Variants in TIAM2 observed in about 807,000 individuals in gnomAD.
The protein encoded by TIAM2 is TIAM Rac1 associated GEF 2.
TIAM2 carries 80 observed loss-of-function variants against 152.9 expected under a neutral mutation model. That is an observed-to-expected ratio of 0.52 (90% CI 0.44 to 0.63). TIAM2 has a LOEUF of 0.63. Among genes scored for constraint, TIAM2 ranks in the 30% least tolerant of loss-of-function variants. The probability of loss-of-function intolerance (pLI) is 0.00; values close to 1 mark genes in which losing one functional copy is unlikely to be tolerated. For synonymous variants in TIAM2, 804 were observed against 838.0 expected (o/e 0.96, Z 0.70); for missense variants, 1,965 against 2,120.1 (o/e 0.93, Z 1.44).
chr6:155,169,196 C>T (rs1366058182), intron 9 of TIAM2, among the ~76,000 whole-genome samples: 2 of 152,042 alleles, frequency 1.3e-5, no homozygotes, highest in African/African-American at 2.4e-5. Flanking sequence ...GGGGTTTCAC[C>T]GTGTTAGCCA....
chr6:155,255,912 A>AGAT (rs1216186550), intron 26 of TIAM2: 1 of 161,550 alleles, frequency 6.2e-6, no homozygotes, highest in East Asian at 1.9e-4. Context: ...CAGGAGGCTG[A>AGAT]GATGGGAGGA....
intron 15 of TIAM2, 115 bp from the exon 16 acceptor site, chr6:155,240,415 A>G (rs1782970772): frequency 8.9e-7 from 1 of 1,123,222 alleles, no homozygotes; most frequent in East Asian, 2.5e-5. Context: ...CCCTACACAG[A>G]GGCCCCTCTG....
At chr6:155,044,317 T>C (rs1304933816) in intron 1 of TIAM2, among the ~76,000 whole-genome samples, 1 of 152,172 alleles carries the variant, frequency 6.6e-6, no homozygotes, top group Non-Finnish European at 1.5e-5. Flanking sequence ...GCAGCTATCT[T>C]TGATTTCTAG....
chr6:155,211,322 C>T lies in TIAM2; in HGVS notation c.3168+15C>T, dbSNP rs768271778. The T allele has an allele frequency of 6.2e-7, 1 of 1,608,306 alleles. No individual in the cohort carries two copies. The highest frequency in any genetic ancestry group is 8.5e-7 in the Non-Finnish European group (1 of 1,175,488). On this transcript the variant is annotated intron_variant, in intron 15 of 26. Transcript: ENST00000682666. ...AGACATTCAGGGTAAGATACTGGCC[C>T]AAATCGCAAACCAAGAACCAGGCAG...
At chr6:155,175,247 G>A (rs1295126899) in intron 9 of TIAM2, among the ~76,000 whole-genome samples, 1 of 152,144 alleles carries the variant, frequency 6.6e-6, no homozygotes, top group East Asian at 1.9e-4. Context: ...TCAAAATTGA[G>A]CACCATGTTT....
chr6:155,118,639 T>G (rs994100024), intron 2 of TIAM2, among the ~76,000 whole-genome samples: 1 of 152,000 alleles, frequency 6.6e-6, no homozygotes, highest in Non-Finnish European at 1.5e-5. Flanking sequence ...TTCACCGTGT[T>G]GGCCAGGCTG....
At chr6:155,193,197 G>A (rs1236474660) in intron 14 of TIAM2, among the ~76,000 whole-genome samples, 1 of 152,086 alleles carries the variant, frequency 6.6e-6, no homozygotes, top group Non-Finnish European at 1.5e-5. Context: ...TTGAGGCCAG[G>A]AGATTGAGAC....
At chr6:155,184,171 T>G (rs1256628437) in intron 14 of TIAM2, among the ~76,000 whole-genome samples, 1 of 152,064 alleles carries the variant, frequency 6.6e-6, no homozygotes, top group East Asian at 1.9e-4. Context: ...GCATTTTTAG[T>G]AGAGGTGGGG....
Position 155,098,718 on chromosome 6 carries a change from C to T in TIAM2, c.-118+8339C>T, listed in dbSNP as rs138536595. On this transcript the variant is annotated intron_variant, in intron 2 of 26. Transcript: ENST00000682666. ...CGCCTAATTGCCCTGGCCAGGATTT[C>T]CAGTACTATGTTGAATAAAAGTGGT... is the stretch of plus-strand genomic sequence containing the variant. Among the ~76,000 whole-genome samples the T allele has an allele frequency of 9.5e-4, 145 of 152,216 alleles. 1 individual carries two copies. The highest frequency in any genetic ancestry group is 3.4e-3 in the African/African-American group (141 of 41,540).
chr6:155,134,896 G>A lies in TIAM2; in HGVS notation c.1195-2281G>A, dbSNP rs1779524470. On this transcript the variant is annotated intron_variant, in intron 4 of 26. Transcript: ENST00000682666. Reference sequence around the variant, plus strand: ...AATTTTTCGTATTTTTTGTAGAGACGGGGTTTCACCGTGTTAGCCAGGATG... The same window carrying A: ...AATTTTTCGTATTTTTTGTAGAGACAGGGTTTCACCGTGTTAGCCAGGATG... 3.3e-5 allele frequency among the ~76,000 whole-genome samples: 5 copies of A among 151,940 alleles called. No homozygotes were observed. The South Asian group carries it at 1.0e-3, about 32-fold the overall frequency.
In TIAM2 at chr6:155,257,325, G is replaced by A. The variant is rs1420001753; in HGVS notation, c.*204G>A. 5.0e-6 allele frequency: 3 copies of A among 595,284 alleles called. No individual in the cohort carries two copies. Among genetic ancestry groups the A allele is most frequent in the Non-Finnish European group, 8.6e-6 (3 of 349,944 alleles). The allele number at this position is 595,284 out of a possible 1,614,324, so 36.9% of individuals were successfully genotyped here. ...ACCTAGATGAAACTGGTCAGAATCTGTAAATTACTTAGTTTATATCCACTT... is the reference window on the plus strand; with the variant it reads ...ACCTAGATGAAACTGGTCAGAATCTATAAATTACTTAGTTTATATCCACTT... On this transcript the variant is annotated 3_prime_UTR_variant, in exon 27 of 27. Coordinates refer to ENST00000682666, the MANE Select transcript of TIAM2 (RefSeq NM_012454.4).
At chr6:155,085,485 G>A (rs1583182163) in intron 1 of TIAM2, among the ~76,000 whole-genome samples, 1 of 151,866 alleles carries the variant, frequency 6.6e-6, no homozygotes, top group South Asian at 2.1e-4. Flanking sequence ...TAAACTCTGG[G>A]CACTCTGAAC....
chr6:155,135,881 C>G (rs1001545674), intron 4 of TIAM2, among the ~76,000 whole-genome samples: 1 of 151,870 alleles, frequency 6.6e-6, no homozygotes, highest in African/African-American at 2.4e-5. Flanking sequence ...AAGTAATTCT[C>G]TAAGTAAGAA....
At position 155,049,661 on chromosome 6, in the gene TIAM2, A is replaced by C. The variant is rs1418527248; in HGVS notation, c.-208-40628A>C. Among the ~76,000 whole-genome samples the C allele has an allele frequency of 2.6e-5, 4 of 152,308 alleles. No individual in the cohort carries two copies. In the East Asian group the frequency reaches 7.7e-4, roughly 29 times the overall value. Reference sequence around the variant, plus strand: ...GTTTCATAATTGTTAAAATGGTTCTAATTTGAAATAATAGCAGTCCTTAAT... The same window carrying C: ...GTTTCATAATTGTTAAAATGGTTCTCATTTGAAATAATAGCAGTCCTTAAT... On this transcript the variant is annotated intron_variant, in intron 1 of 26. Transcript: ENST00000682666.
In TIAM2 at chr6:155,257,019, C is replaced by T. The variant is rs145411858; in HGVS notation, c.5004C>T (p.Ile1668=). ...ACAGTCAGTCTGAAAATGCCACCATCGACCTAAATTCTGTTCTAGAGCGAG... is the reference window on the plus strand; with the variant it reads ...ACAGTCAGTCTGAAAATGCCACCATTGACCTAAATTCTGTTCTAGAGCGAG... ...SLDSQSENAT[I]DLNSVLEREF... is the part of the protein sequence containing the mutation. Residue 1668 remains isoleucine (I), a synonymous_variant, in exon 27 of 27, where the codon ATC becomes ATT. Transcript: ENST00000682666. 5.0e-6 allele frequency: 8 copies of T among 1,614,032 alleles called. No individual in the cohort carries two copies. The highest frequency in any genetic ancestry group is 2.7e-5 in the African/African-American group (2 of 74,914).
At chr6:155,033,652 T>G (rs1192886721) in intron 1 of TIAM2, among the ~76,000 whole-genome samples, 1 of 152,092 alleles carries the variant, frequency 6.6e-6, no homozygotes, top group Non-Finnish European at 1.5e-5. Flanking sequence ...CCTGCCTGTT[T>G]CCTAGAAGTA....
intron 23 of TIAM2, among the ~76,000 whole-genome samples, 156 bp downstream of exon 23, chr6:155,252,159 G>A (rs1255140931): frequency 6.6e-6 from 1 of 152,136 alleles, no homozygotes. Flanking sequence ...GAGCGTTTCT[G>A]AGTCTCCCCA....
chr6:155,205,027 T>C (rs1165300478), intron 14 of TIAM2, among the ~76,000 whole-genome samples: 8 of 152,092 alleles, frequency 5.3e-5, no homozygotes, highest in African/African-American at 1.7e-4. Context: ...CTTTTTATCA[T>C]AGCATTAATA....
At chr6:155,231,001 T>A (rs901404170) in intron 15 of TIAM2, among the ~76,000 whole-genome samples, 1 of 28,954 alleles carries the variant, frequency 3.5e-5, no homozygotes, top group Admixed American at 2.1e-4. Context: ...CCTGGCTAAT[T>A]TTTTTTTTTT....
Sources: allele counts gnomAD v4.1 joint callset (sites outside exome capture counted in the v4.1 genomes callset), GRCh38; gene constraint gnomAD v4.1.1; transcripts MANE v1.5; gene names NCBI Gene and HGNC (gene_info 2026-07-23, HGNC 2026-07-21).